The following MORC1 variants were observed in gnomAD, a reference collection of about 807,000 sequenced individuals.
The protein encoded by MORC1 is MORC family CW-type zinc finger protein 1.
Under a neutral mutation model 134.9 loss-of-function variants are expected in MORC1, and 59 were observed. The ratio of observed to expected loss-of-function variants is 0.44; its 90% CI spans 0.35 to 0.54. The LOEUF (loss-of-function observed/expected upper bound fraction) is 0.54, where lower values mean the gene tolerates loss of function less well. MORC1 is among the 20% of genes least tolerant of loss of function. The pLI is 0.00. For missense variants in MORC1, 947 were observed against 1,134.5 expected (o/e 0.83, Z 2.37); for synonymous variants, 395 against 391.7 (o/e 1.01, Z -0.10).
chr3:109,000,524 T>C, intron 21 of MORC1, 33 bp downstream of exon 21: 3 of 1,461,552 alleles, frequency 2.1e-6, no homozygotes, highest in Non-Finnish European at 2.8e-6. Flanking sequence ...TATGAAAATC[T>C]CAAGGTGTCA....
intron 3 of MORC1, 121 bp from the exon 4 acceptor site, chr3:109,104,038 C>T: frequency 2.3e-6 from 2 of 880,054 alleles, no homozygotes; most frequent in Non-Finnish European, 3.7e-6. Flanking sequence ...AGAGTTATGG[C>T]ACAAAGATGG....
In MORC1 at chr3:109,005,206, T is replaced by C. The variant is rs1245361653; in HGVS notation, c.1877A>G (p.Glu626Gly). 1 of 1,614,046 alleles carries C rather than the reference T, an allele frequency of 6.2e-7. No individual in the cohort carries two copies. Among genetic ancestry groups the C allele is most frequent in the Admixed American group, 1.7e-5 (1 of 59,982 alleles). ...ATACTCTACATCAGAGTCTGTCTCTTCTATGTTTCTTTTCTGTCCTCTACG... is the reference window on the plus strand; with the variant it reads ...ATACTCTACATCAGAGTCTGTCTCTCCTATGTTTCTTTTCTGTCCTCTACG... ...ASRRGQKRNI[E>G]ETDSDVEYIS... Residue 626 changes from glutamate (E) to glycine (G), a missense_variant, in exon 19 of 28, where the codon GAA becomes GGA. Coordinates refer to ENST00000232603, the MANE Select transcript of MORC1 (RefSeq NM_014429.4).
intron 13 of MORC1, among the ~76,000 whole-genome samples, chr3:109,055,755 G>A (rs1449460598): frequency 6.6e-6 from 1 of 152,126 alleles, no homozygotes; most frequent in Non-Finnish European, 1.5e-5. Context: ...GTTCCCCCTG[G>A]CTTTGAAGTT....
chr3:109,087,597 C>T (rs1281275489), intron 8 of MORC1, among the ~76,000 whole-genome samples: 1 of 152,016 alleles, frequency 6.6e-6, no homozygotes, highest in African/African-American at 2.4e-5. Context: ...AATGGAAAAA[C>T]ATCACATGCT....
At chr3:109,090,041 T>C (rs1439532504) in intron 8 of MORC1, among the ~76,000 whole-genome samples, 4 of 152,174 alleles carry the variant, frequency 2.6e-5, no homozygotes, top group African/African-American at 9.7e-5. Context: ...CAATTTAATA[T>C]TTCACACATA....
intron 20 of MORC1, among the ~76,000 whole-genome samples, chr3:109,003,824 T>G (rs569149679): frequency 6.6e-6 from 1 of 152,256 alleles, no homozygotes; most frequent in South Asian, 2.1e-4. Context: ...AAAATGGACT[T>G]GAAATACTTT....
chr3:109,001,563 C>A (rs893189474), intron 20 of MORC1, among the ~76,000 whole-genome samples: 1 of 152,188 alleles, frequency 6.6e-6, no homozygotes, highest in Non-Finnish European at 1.5e-5. Flanking sequence ...TCGTGACAGT[C>A]TCTCTTCAAA....
rs774338136 is a variant in MORC1 at position 108,963,496 on chromosome 3, C to T, written c.2717G>A (p.Cys906Tyr). Residue 906 changes from cysteine (C) to tyrosine (Y), a missense_variant, in exon 27 of 28, where the codon TGT (cysteine) becomes TAT (tyrosine). By Grantham distance (194) the Cys-to-Tyr change is radical (BLOSUM62 -2). Transcript: ENST00000232603. ...CTCAGAGATTTTTCTTTTATTTTCA[C>T]ATTGCCCCAGAGAGATTTCATTATG... ...GIHNEISLGQ[C>Y]ENKRKISEDK... 1.4e-5 allele frequency: 23 copies of T among 1,612,412 alleles called. No homozygotes were observed. In the South Asian group the frequency reaches 2.5e-4, roughly 18 times the overall value.
At chr3:109,030,893 T>G (rs926899886) in intron 16 of MORC1, among the ~76,000 whole-genome samples, 1 of 152,192 alleles carries the variant, frequency 6.6e-6, no homozygotes, top group Non-Finnish European at 1.5e-5. Context: ...AATACCTCTA[T>G]TTACCCCGAT....
intron 2 of MORC1, among the ~76,000 whole-genome samples, chr3:109,114,062 T>C (rs1034556097): frequency 6.6e-6 from 1 of 152,232 alleles, no homozygotes; most frequent in Admixed American, 6.5e-5. Context: ...CTTCAATAAA[T>C]GCCCAAATAC....
chr3:109,000,764 G>T, intron 20 of MORC1, 106 bp from the exon 21 acceptor site: 3 of 800,596 alleles, frequency 3.7e-6, no homozygotes, highest in South Asian at 1.9e-5. Flanking sequence ...GCAGACTTTT[G>T]TAGGATATAT....
intron 24 of MORC1, among the ~76,000 whole-genome samples, chr3:108,974,906 A>G (rs749823135): frequency 1.4e-4 from 22 of 152,260 alleles, no homozygotes; most frequent in Non-Finnish European, 2.6e-4. Context: ...GTTTGAATTC[A>G]AAGTTTTTAG....
chr3:109,008,059 A>G (rs1306328180), intron 17 of MORC1, among the ~76,000 whole-genome samples: 1 of 152,076 alleles, frequency 6.6e-6, no homozygotes, highest in Non-Finnish European at 1.5e-5. Context: ...GTGCCTTTTC[A>G]TCGAAGGATA....
intron 23 of MORC1, among the ~76,000 whole-genome samples, chr3:108,980,545 T>A (rs1026716120): frequency 6.6e-6 from 1 of 152,172 alleles, no homozygotes; most frequent in South Asian, 2.1e-4. Flanking sequence ...GTGGTACCCT[T>A]AAGGCAGGAA....
chr3:109,114,520 G>A (rs78730408), intron 1 of MORC1, 83 bp from the exon 2 acceptor site: 7 of 1,177,880 alleles, frequency 5.9e-6, no homozygotes, highest in Admixed American at 4.2e-5. Flanking sequence ...GCAGACAAAC[G>A]TTCTCCAGTT....
At chr3:109,075,734 A>G (rs1950408207) in intron 8 of MORC1, among the ~76,000 whole-genome samples, 1 of 152,124 alleles carries the variant, frequency 6.6e-6, no homozygotes, top group Non-Finnish European at 1.5e-5. Context: ...AGGTAGCATG[A>G]TGCCTCCATT....
intron 27 of MORC1, among the ~76,000 whole-genome samples, chr3:108,961,032 G>A (rs1316876060): frequency 1.3e-5 from 2 of 152,132 alleles, no homozygotes; most frequent in East Asian, 1.9e-4. Flanking sequence ...CATAAACTGA[G>A]GTCTCCTTGA....
rs998730332 is a variant in MORC1 at position 108,958,316 on chromosome 3, T to C, written c.*649A>G. 2.0e-5 allele frequency: 3 copies of C among 152,002 alleles called. No homozygotes were observed. Among genetic ancestry groups the C allele is most frequent in the African/African-American group, 4.8e-5 (2 of 41,418 alleles). The allele number at this position is 152,002 out of a possible 1,614,324, so 9.4% of individuals were successfully genotyped here. A position where few individuals can be genotyped will look rare whatever the true frequency, so the allele number is the denominator to read the frequency against. On this transcript the variant is annotated 3_prime_UTR_variant, in exon 28 of 28. Coordinates refer to ENST00000232603, the MANE Select transcript of MORC1 (RefSeq NM_014429.4). ...TTTCTAAACAAAAAAAAAACACTTATCAAGAAAAGTGTAAAAACATACTTC... is the reference window on the plus strand; with the variant it reads ...TTTCTAAACAAAAAAAAAACACTTACCAAGAAAAGTGTAAAAACATACTTC...
intron 17 of MORC1, among the ~76,000 whole-genome samples, chr3:109,026,642 C>T (rs1949080560): frequency 6.6e-6 from 1 of 152,126 alleles, no homozygotes; most frequent in Admixed American, 6.5e-5. Context: ...AAATAAGAAA[C>T]AAAATTAAAA....
Sources: allele counts gnomAD v4.1 joint callset (sites outside exome capture counted in the v4.1 genomes callset), GRCh38; gene constraint gnomAD v4.1.1; transcripts MANE v1.5; gene names NCBI Gene and HGNC (gene_info 2026-07-23, HGNC 2026-07-21).